The following MCHR2 variants were observed in gnomAD, a reference collection of about 807,000 sequenced individuals.
MCHR2 encodes melanin-concentrating hormone receptor 2.
In MCHR2, 15 loss-of-function variants were observed where a neutral mutation model predicts 24.8. The observed-to-expected ratio is 0.60, with a 90% CI of 0.40 to 0.93. The LOEUF is 0.93. MCHR2 is among the 40% of genes least tolerant of loss of function. MCHR2 has a pLI of 0.00. For synonymous variants in MCHR2, 151 were observed against 147.6 expected (o/e 1.02, Z -0.17); for missense variants, 386 against 408.7 (o/e 0.94, Z 0.48).
chr6:99,947,126 CA>C (rs1328292813), intron 3 of MCHR2, among the ~76,000 whole-genome samples: 4 of 152,068 alleles, frequency 2.6e-5, no homozygotes, highest in African/African-American at 7.2e-5. Context: ...AGGGCTATGG[CA>C]CATTTCCAAG....
chr6:99,931,718 C>T (rs568721824), intron 5 of MCHR2, among the ~76,000 whole-genome samples: 1 of 152,260 alleles, frequency 6.6e-6, no homozygotes, highest in African/African-American at 2.4e-5. Context: ...GGGAGTGACC[C>T]GATTTTCCAG....
At chr6:99,929,170 A>C (rs1400207284) in intron 5 of MCHR2, among the ~76,000 whole-genome samples, 1 of 152,060 alleles carries the variant, frequency 6.6e-6, no homozygotes, top group Non-Finnish European at 1.5e-5. Context: ...CTTAATCCTG[A>C]GTTCTAGTTT....
intron 4 of MCHR2, among the ~76,000 whole-genome samples, chr6:99,941,841 T>G (rs1774776683): frequency 7.3e-6 from 1 of 137,218 alleles, no homozygotes; most frequent in Admixed American, 7.3e-5. Flanking sequence ...TGCAAGCATA[T>G]GAATTTTTTT....
Position 99,937,254 on chromosome 6 carries a change from G to T in MCHR2, c.588-2737C>A, listed in dbSNP as rs1184903641. On this transcript the variant is annotated intron_variant, in intron 4 of 5. Coordinates refer to ENST00000281806, the MANE Select transcript of MCHR2 (RefSeq NM_001040179.2). ...ATTTCTGATATTACATTGAATAAAA[G>T]TGGTGAAAGTGGGTATACTTGTCTT... Among the ~76,000 whole-genome samples the T allele has an allele frequency of 3.9e-5, 6 of 151,966 alleles. No individual in the cohort carries two copies. In the East Asian group the frequency reaches 1.2e-3, roughly 29 times the overall value.
chr6:99,940,404 T>C (rs1021167908), intron 4 of MCHR2, among the ~76,000 whole-genome samples: 4 of 152,176 alleles, frequency 2.6e-5, no homozygotes, highest in Non-Finnish European at 5.9e-5. Context: ...CAAGTGTATT[T>C]CTCAGTTCCA....
chr6:99,984,009 A>T (rs548241427), intron 1 of MCHR2, among the ~76,000 whole-genome samples: 1 of 152,278 alleles, frequency 6.6e-6, no homozygotes, highest in South Asian at 2.1e-4. Context: ...CTGGTAGGTG[A>T]ATCATTTGGG....
chr6:99,987,090 GTATT>G (rs71024682), intron 1 of MCHR2, among the ~76,000 whole-genome samples: 8 of 149,456 alleles, frequency 5.4e-5, no homozygotes, highest in African/African-American at 1.2e-4. Context: ...GTGTTGTGTT[GTATT>G]TATTTATTTA....
chr6:99,942,950 A>T lies in MCHR2; in HGVS notation c.586T>A (p.Trp196Arg), dbSNP rs1174900179. The change falls in exon 4 of 6, where the codon TGG (tryptophan) becomes AGG (arginine). Residue 196 changes from tryptophan to arginine, a missense_variant and splice_region_variant. Coordinates refer to ENST00000281806, the MANE Select transcript of MCHR2 (RefSeq NM_001040179.2). ...FDLTSPDDVL[W>R]YTLYLTITTF... Reference sequence around the variant, plus strand: ...TTTTCTTAAGTTTTCACAACTTACCAGAGTACATCGTCAGGGGATGTCAAA... The same window carrying T: ...TTTTCTTAAGTTTTCACAACTTACCTGAGTACATCGTCAGGGGATGTCAAA... 4.4e-6 allele frequency: 7 copies of T among 1,608,772 alleles called. No homozygotes were observed. The highest frequency in any genetic ancestry group is 5.1e-6 in the Non-Finnish European group (6 of 1,177,286).
intron 1 of MCHR2, among the ~76,000 whole-genome samples, chr6:99,967,033 G>A (rs1245883565): frequency 6.6e-6 from 1 of 151,564 alleles, no homozygotes; most frequent in Non-Finnish European, 1.5e-5. Context: ...ACTTTTTTTT[G>A]ATACTTTTCA....
At chr6:99,979,162 A>G (rs1248200884) in intron 1 of MCHR2, among the ~76,000 whole-genome samples, 1 of 152,196 alleles carries the variant, frequency 6.6e-6, no homozygotes, top group Non-Finnish European at 1.5e-5. Context: ...TAAAATCAGC[A>G]CATTATGCCC....
intron 1 of MCHR2, among the ~76,000 whole-genome samples, chr6:99,961,927 C>A (rs1239061327): frequency 6.6e-6 from 1 of 152,084 alleles, no homozygotes. Context: ...TCTATGACAG[C>A]CAAACTAGCA....
chr6:99,953,168 A>G (rs1316742182), intron 2 of MCHR2, among the ~76,000 whole-genome samples: 1 of 152,168 alleles, frequency 6.6e-6, no homozygotes, highest in African/African-American at 2.4e-5. Context: ...GTGTAAATTG[A>G]GGGATCCAAG....
intron 5 of MCHR2, among the ~76,000 whole-genome samples, chr6:99,922,345 G>T (rs567749168): frequency 1.3e-5 from 2 of 151,984 alleles, no homozygotes; most frequent in Admixed American, 6.6e-5. Flanking sequence ...CTAACCTCGC[G>T]ATCCGCCCGC....
intron 1 of MCHR2, among the ~76,000 whole-genome samples, chr6:99,980,797 C>T (rs911386019): frequency 2.6e-5 from 4 of 152,006 alleles, no homozygotes; most frequent in African/African-American, 9.7e-5. Context: ...TTTTATTCTG[C>T]CAATATTCAG....
rs895535085 is a variant in MCHR2, at chr6:99,918,943, A to C, written c.*1997T>G. ...GTCTGTGGTTTAAAGCTAAGTCTTT[A>C]AAATCATAATATTTTTCTGTATTAA... is the stretch of plus-strand genomic sequence containing the variant. On this transcript the variant is annotated 3_prime_UTR_variant, in exon 6 of 6. Transcript: ENST00000281806. Among the ~76,000 whole-genome samples, 4 of 152,234 alleles carry C rather than the reference A, an allele frequency of 2.6e-5. No individual in the cohort carries two copies. Among genetic ancestry groups the C allele is most frequent in the African/African-American group, 9.6e-5 (4 of 41,452 alleles).
intron 1 of MCHR2, among the ~76,000 whole-genome samples, chr6:99,972,288 G>T (rs982042436): frequency 1.3e-5 from 2 of 152,148 alleles, no homozygotes; most frequent in African/African-American, 4.8e-5. Flanking sequence ...GTTTAGTCTT[G>T]GGAGGGTGTA....
Position 99,955,952 on chromosome 6 carries a change from G to A in MCHR2, c.182+14C>T. 2.0e-6 allele frequency: 3 copies of A among 1,488,114 alleles called. No individual in the cohort carries two copies. Among genetic ancestry groups the A allele is most frequent in the African/African-American group, 1.4e-5 (1 of 69,460 alleles). 92.2% of individuals were successfully genotyped at this position (1,488,114 alleles called of 1,614,324 possible). A position where few individuals can be genotyped will look rare whatever the true frequency, so the allele number is the denominator to read the frequency against. ...GTATGGAAGGAAAAAAAAAAAAAAG[G>A]AGCCATTCCTTACCTTATTATAGTG... On this transcript the variant is annotated intron_variant, in intron 2 of 5. Coordinates refer to ENST00000281806, the MANE Select transcript of MCHR2 (RefSeq NM_001040179.2).
In MCHR2 at chr6:99,976,914, T is replaced by C. The variant is rs557870790; in HGVS notation, c.-28+17022A>G. On this transcript the variant is annotated intron_variant, in intron 1 of 5. Transcript: ENST00000281806. ...ACGCTTGCTGGCCCCTTGCCACAGA[T>C]ATTTTTGTCAGCAACTCATACATTC... Among the ~76,000 whole-genome samples, 106 of 152,348 alleles carry C rather than the reference T, an allele frequency of 7.0e-4. 1 individual carries two copies. In the South Asian group the frequency reaches 0.017, roughly 24 times the overall value.
chr6:99,978,056 G>A (rs1402849612), intron 1 of MCHR2, among the ~76,000 whole-genome samples: 3 of 152,140 alleles, frequency 2.0e-5, no homozygotes, highest in Non-Finnish European at 4.4e-5. Flanking sequence ...ATCCCAACAT[G>A]ATGTGGCAAA....
Sources: allele counts gnomAD v4.1 joint callset (sites outside exome capture counted in the v4.1 genomes callset), GRCh38; gene constraint gnomAD v4.1.1; transcripts MANE v1.5; gene names NCBI Gene and HGNC (gene_info 2026-07-23, HGNC 2026-07-21).